Variants in CALD1 observed in about 807,000 individuals in gnomAD.
CALD1 encodes the protein caldesmon 1.
Under a neutral mutation model 99.9 loss-of-function variants are expected in CALD1, and 33 were observed. The ratio of observed to expected loss-of-function variants is 0.33; its 90% confidence interval spans 0.25 to 0.44. The LOEUF (loss-of-function observed/expected upper bound fraction) is 0.44, where lower values mean the gene tolerates loss of function less well. Among genes scored for constraint, CALD1 ranks in the 20% least tolerant of loss-of-function variants. CALD1 has a pLI of 1.00. For synonymous variants in CALD1, 310 were observed against 325.0 expected (o/e 0.95, Z 0.50); for missense variants, 861 against 962.1 (o/e 0.89, Z 1.39).
intron 2 of CALD1, among the ~76,000 whole-genome samples, chr7:134,850,625 T>C (rs1586105920): frequency 6.6e-6 from 1 of 152,176 alleles, no homozygotes; most frequent in Non-Finnish European, 1.5e-5. Flanking sequence ...CTATATGGGA[T>C]TGCTTGTGGG....
intron 1 of CALD1, among the ~76,000 whole-genome samples, chr7:134,750,313 A>G (rs1796674641): frequency 6.6e-6 from 1 of 152,012 alleles, no homozygotes; most frequent in Admixed American, 6.6e-5. Flanking sequence ...CTGCTGGCCA[A>G]GCAGAAAGGT....
At chr7:134,962,844 G>T in intron 13 of CALD1, 1 of 456,182 alleles carries the variant, frequency 2.2e-6, no homozygotes, top group Admixed American at 2.4e-5. Flanking sequence ...CTCACTCTTT[G>T]GTCTCTGGTT....
chr7:134,742,016 TACACACACACAC>T (rs112633191), upstream of CALD1, among the ~76,000 whole-genome samples: 8 of 147,880 alleles, frequency 5.4e-5, no homozygotes, highest in Admixed American at 1.3e-4. Flanking sequence ...GAGGTATTGA[TACACACACACAC>T]ACACACACAC....
intron 7 of CALD1, among the ~76,000 whole-genome samples, chr7:134,946,212 A>G (rs1051957696): frequency 2.6e-5 from 4 of 152,072 alleles, no homozygotes; most frequent in Non-Finnish European, 4.4e-5. Flanking sequence ...TATCAGTATG[A>G]TATCATACTG....
At chr7:134,829,554 A>G (rs1799137932) in intron 1 of CALD1, among the ~76,000 whole-genome samples, 1 of 152,166 alleles carries the variant, frequency 6.6e-6, no homozygotes, top group Admixed American at 6.5e-5. Flanking sequence ...GATCCATGCA[A>G]GAAATTGAAA....
At chr7:134,868,497 G>A (rs1349152378) in intron 3 of CALD1, among the ~76,000 whole-genome samples, 1 of 152,154 alleles carries the variant, frequency 6.6e-6, no homozygotes, top group Non-Finnish European at 1.5e-5. Context: ...TAAATCAGAT[G>A]TTCTTTTGAG....
chr7:134,902,380 A>G (rs1359018633), intron 3 of CALD1, among the ~76,000 whole-genome samples: 1 of 152,096 alleles, frequency 6.6e-6, no homozygotes, highest in Non-Finnish European at 1.5e-5. Context: ...TTTCCTGTAT[A>G]TATGTTCAAA....
intron 1 of CALD1, among the ~76,000 whole-genome samples, chr7:134,762,874 G>C (rs929941287): frequency 6.6e-6 from 1 of 152,158 alleles, no homozygotes; most frequent in Non-Finnish European, 1.5e-5. Flanking sequence ...GGTTCTGAAA[G>C]TAAGAAGAAT....
intron 2 of CALD1, among the ~76,000 whole-genome samples, chr7:134,857,390 C>G (rs549685017): frequency 1.3e-5 from 2 of 151,696 alleles, no homozygotes; most frequent in African/African-American, 4.8e-5. Context: ...ATCTCCCGGC[C>G]TCGTGATCCG....
intron 3 of CALD1, among the ~76,000 whole-genome samples, chr7:134,888,812 G>A (rs1210092362): frequency 1.3e-5 from 2 of 152,158 alleles, no homozygotes; most frequent in African/African-American, 2.4e-5. Flanking sequence ...AGGAGGGTGC[G>A]CGCTGTTTCC....
At chr7:134,937,294 C>T (rs1806054415) in intron 6 of CALD1, among the ~76,000 whole-genome samples, 1 of 152,172 alleles carries the variant, frequency 6.6e-6, no homozygotes, top group African/African-American at 2.4e-5. Flanking sequence ...GATAAGGCCC[C>T]AGTTCAACAG....
chr7:134,822,892 T>C (rs114866839), intron 1 of CALD1, among the ~76,000 whole-genome samples: 159 of 152,346 alleles, frequency 1.0e-3, no homozygotes, highest in African/African-American at 2.5e-3. Flanking sequence ...AAGCAGAAAC[T>C]ATGCTTTAAT....
chr7:134,783,057 C>T lies in CALD1; in HGVS notation c.-130+3308C>T, dbSNP rs184203596. Among the ~76,000 whole-genome samples the T allele has an allele frequency of 3.0e-3, 462 of 152,270 alleles. 1 individual carries two copies. Among genetic ancestry groups the T allele is most frequent in the Non-Finnish European group, 4.0e-3 (273 of 68,016 alleles). ...GTGAGAAAGTGCTGACAACAGAAAGCCCTTAAGTAATTGAGGCAGCTTCTC... is the reference window on the plus strand; with the variant it reads ...GTGAGAAAGTGCTGACAACAGAAAGTCCTTAAGTAATTGAGGCAGCTTCTC... On this transcript the variant is annotated intron_variant, in intron 1 of 14. Coordinates refer to ENST00000361675, the MANE Select transcript of CALD1 (RefSeq NM_033138.4). This position sits in a 1 kb window ranked among gnomAD's most constrained non-coding sequence, Gnocchi z 4.3.
At chr7:134,953,743 C>T (rs1458025126) in intron 9 of CALD1, among the ~76,000 whole-genome samples, 4 of 145,184 alleles carry the variant, frequency 2.8e-5, no homozygotes, top group Admixed American at 1.4e-4. Flanking sequence ...AATTTCTCAA[C>T]GTACCTATTT....
intron 3 of CALD1, among the ~76,000 whole-genome samples, chr7:134,912,977 A>AAGC (rs1354951488): frequency 4.6e-5 from 7 of 152,130 alleles, no homozygotes; most frequent in Non-Finnish European, 1.0e-4. Flanking sequence ...TAAAAAAATT[A>AAGC]AGCGGGGCTG....
At chr7:134,936,931 T>C (rs761457022) in intron 6 of CALD1, among the ~76,000 whole-genome samples, 3 of 152,190 alleles carry the variant, frequency 2.0e-5, no homozygotes, top group South Asian at 2.1e-4. Context: ...AAATCATTCA[T>C]TGAACATGTT....
chr7:134,890,589 G>A (rs1463689845), intron 3 of CALD1, among the ~76,000 whole-genome samples: 1 of 152,168 alleles, frequency 6.6e-6, no homozygotes, highest in Non-Finnish European at 1.5e-5. Flanking sequence ...AGTCTGTTTA[G>A]TGCTCATTAG....
chr7:134,717,528 GGGATAGAA>G, the CALD1 span, among the ~76,000 whole-genome samples: 1 of 152,186 alleles, frequency 6.6e-6, no homozygotes, highest in Non-Finnish European at 1.5e-5. Context: ...GGAAAATAAG[GGGATAGAA>G]GGTGGCCAGG....
chr7:134,958,676 G>A (rs1023125859), intron 11 of CALD1, among the ~76,000 whole-genome samples: 1 of 151,810 alleles, frequency 6.6e-6, no homozygotes, highest in African/African-American at 2.4e-5. Context: ...AAAGCCGAAT[G>A]TGAGCCACCA....
Sources: allele counts gnomAD v4.1 joint callset (sites outside exome capture counted in the v4.1 genomes callset), GRCh38; gene constraint gnomAD v4.1.1; non-coding constraint Gnocchi (gnomAD v3.1); transcripts MANE v1.5; gene names NCBI Gene and HGNC (gene_info 2026-07-23, HGNC 2026-07-21).